MIPEP: variants seen among roughly 807,000 people sequenced by gnomAD.
The protein encoded by MIPEP is mitochondrial intermediate peptidase.
Under a neutral mutation model 90.3 loss-of-function variants are expected in MIPEP, and 79 were observed. That is an observed-to-expected ratio of 0.87 (90% CI 0.73 to 1.05). The LOEUF (loss-of-function observed/expected upper bound fraction) is 1.05. Among genes scored for constraint, MIPEP ranks in the 50% least tolerant of loss-of-function variants. MIPEP has a pLI of 0.00. For missense variants in MIPEP, 940 were observed against 905.6 expected, an observed-to-expected ratio of 1.04 and a Z score of -0.49; for synonymous variants, 334 against 315.8, an observed-to-expected ratio of 1.06 and a Z score of -0.61.
At chr13:23,863,926 T>C (rs1330083700) in intron 8 of MIPEP, among the ~76,000 whole-genome samples, 4 of 152,202 alleles carry the variant, frequency 2.6e-5, no homozygotes, top group Non-Finnish European at 5.9e-5. Context: ...CTAAAAACAA[T>C]TGTTTAATGA....
chr13:23,801,345 A>G (rs537126701), intron 16 of MIPEP, among the ~76,000 whole-genome samples: 4 of 152,230 alleles, frequency 2.6e-5, no homozygotes, highest in South Asian at 2.1e-4. Flanking sequence ...GTCTGTTTCA[A>G]TCTTCCACTC....
At chr13:23,837,427 G>C in intron 13 of MIPEP, 125 bp downstream of exon 13, 1 of 724,956 alleles carries the variant, frequency 1.4e-6, no homozygotes, top group East Asian at 2.5e-5. Flanking sequence ...GAGGCAATCT[G>C]AGATAAAGAC....
rs187967311 is a variant in MIPEP at position 23,797,967 on chromosome 13, C to T, written c.1848+7983G>A. On this transcript the variant is annotated intron_variant, in intron 16 of 18. Transcript: ENST00000382172. ...AATGATGAATTGGTTAGCAAATACACATCTAAAAGGCTATTTCGAATACAG... is the reference window on the plus strand; with the variant it reads ...AATGATGAATTGGTTAGCAAATACATATCTAAAAGGCTATTTCGAATACAG... Among the ~76,000 whole-genome samples the T allele has an allele frequency of 2.2e-3, 335 of 152,318 alleles. 1 individual carries two copies. Among genetic ancestry groups the T allele is most frequent in the Non-Finnish European group, 3.1e-3 (208 of 68,040 alleles).
chr13:23,745,805 G>A (rs1222953820), intron 18 of MIPEP, among the ~76,000 whole-genome samples: 1 of 151,788 alleles, frequency 6.6e-6, no homozygotes, highest in Non-Finnish European at 1.5e-5. Context: ...GTGGGCGCCC[G>A]TAATCCCAGC....
At chr13:23,805,698 C>A (rs992079007) in intron 16 of MIPEP, among the ~76,000 whole-genome samples, 2 of 152,132 alleles carry the variant, frequency 1.3e-5, no homozygotes, top group African/African-American at 4.8e-5. Context: ...TATAGACCAA[C>A]TCCAATGGCC....
At chr13:23,868,914 T>C (rs995361219) in intron 7 of MIPEP, among the ~76,000 whole-genome samples, 2 of 152,214 alleles carry the variant, frequency 1.3e-5, no homozygotes, top group Non-Finnish European at 2.9e-5. Flanking sequence ...GTTTTTTATA[T>C]GACCTAACCT....
At chr13:23,852,787 T>C (rs972050804) in intron 10 of MIPEP, among the ~76,000 whole-genome samples, 4 of 152,234 alleles carry the variant, frequency 2.6e-5, no homozygotes, top group Non-Finnish European at 5.9e-5. Flanking sequence ...GAAGAAGGCA[T>C]TGTTATCACA....
intron 16 of MIPEP, among the ~76,000 whole-genome samples, chr13:23,786,324 T>A (rs1367091174): frequency 6.6e-6 from 1 of 152,108 alleles, no homozygotes; most frequent in East Asian, 1.9e-4. Context: ...AATAAAATCA[T>A]AAATACTAGA....
intron 9 of MIPEP, among the ~76,000 whole-genome samples, chr13:23,861,304 A>T (rs139949653): frequency 1.3e-3 from 195 of 152,324 alleles, no homozygotes; most frequent in African/African-American, 4.5e-3. Context: ...TTTTGGCAAC[A>T]CATTTTGTTT....
chr13:23,845,082 A>G (rs1399104955), intron 10 of MIPEP, among the ~76,000 whole-genome samples: 2 of 152,242 alleles, frequency 1.3e-5, no homozygotes, highest in South Asian at 4.1e-4. Flanking sequence ...TTATGTATAT[A>G]TAAACCTACT....
chr13:23,745,928 T>TCAAAACAAAA (rs750043203), intron 18 of MIPEP, among the ~76,000 whole-genome samples: 1 of 150,696 alleles, frequency 6.6e-6, no homozygotes, highest in Non-Finnish European at 1.5e-5. Flanking sequence ...AGACTATGTC[T>TCAAAACAAAA]CAAAACAAAA....
intron 18 of MIPEP, among the ~76,000 whole-genome samples, chr13:23,743,467 A>C (rs1952352606): frequency 6.6e-6 from 1 of 152,244 alleles, no homozygotes; most frequent in Non-Finnish European, 1.5e-5. Flanking sequence ...AAATCAGACT[A>C]TCGGCCAGGA....
chr13:23,845,480 G>A (rs1869496836), intron 10 of MIPEP, among the ~76,000 whole-genome samples: 1 of 152,122 alleles, frequency 6.6e-6, no homozygotes, highest in Non-Finnish European at 1.5e-5. Flanking sequence ...AATGCATCCC[G>A]TTAGGCCACA....
At chr13:23,789,809 C>T (rs1212771809) in intron 16 of MIPEP, among the ~76,000 whole-genome samples, 1 of 152,182 alleles carries the variant, frequency 6.6e-6, no homozygotes, top group African/African-American at 2.4e-5. Flanking sequence ...TCCCCTCTAC[C>T]CGCACTAGCA....
intron 17 of MIPEP, 73 bp downstream of exon 17, chr13:23,760,023 C>T (rs763148609): frequency 1.4e-5 from 22 of 1,594,398 alleles, no homozygotes; most frequent in East Asian, 2.2e-5. Flanking sequence ...TTCTCGAGCC[C>T]GACTTCCAGA....
At chr13:23,858,042 CT>C (rs1293604694) in intron 10 of MIPEP, among the ~76,000 whole-genome samples, 1 of 151,966 alleles carries the variant, frequency 6.6e-6, no homozygotes, top group Admixed American at 6.6e-5. Flanking sequence ...CTTAACTCTC[CT>C]ACTTAAACAG....
chr13:23,746,269 C>G (rs1228880540), intron 18 of MIPEP, among the ~76,000 whole-genome samples: 1 of 151,730 alleles, frequency 6.6e-6, no homozygotes, highest in Non-Finnish European at 1.5e-5. Flanking sequence ...CCATCTCAGC[C>G]TCCCAAAGTG....
chr13:23,735,053 G>A (rs988286876), intron 18 of MIPEP, among the ~76,000 whole-genome samples: 51 of 152,118 alleles, frequency 3.4e-4, no homozygotes, highest in Admixed American at 9.2e-4. Flanking sequence ...TGGACACCCC[G>A]AAGTATCCCC....
rs191320541 is a variant in MIPEP at position 23,824,630 on chromosome 13, T to C, written c.1653+11610A>G. On this transcript the variant is annotated intron_variant, in intron 14 of 18. Coordinates refer to ENST00000382172, the MANE Select transcript of MIPEP (RefSeq NM_005932.4). ...TGTCACAGCACTGCATTTCCTCACG[T>C]GTCTATAATGGAAAAACAACTGGAT... 5.8e-4 allele frequency among the ~76,000 whole-genome samples: 88 copies of C among 152,322 alleles called. 1 individual carries two copies. The highest frequency in any genetic ancestry group is 4.1e-4 in the Non-Finnish European group (28 of 68,030).
Sources: allele counts gnomAD v4.1 joint callset (sites outside exome capture counted in the v4.1 genomes callset), GRCh38; gene constraint gnomAD v4.1.1; transcripts MANE v1.5; gene names NCBI Gene and HGNC (gene_info 2026-07-23, HGNC 2026-07-21).